The following USP45 variants were observed in gnomAD, a reference collection of about 807,000 sequenced individuals.
The protein encoded by USP45 is ubiquitin specific peptidase 45, also known as ubiquitin carboxyl-terminal hydrolase 45.
Under a neutral mutation model 95.8 loss-of-function variants are expected in USP45, and 89 were observed. The observed-to-expected ratio is 0.93, with a 90% confidence interval of 0.78 to 1.11. The LOEUF (loss-of-function observed/expected upper bound fraction) is 1.11, where lower values mean the gene tolerates loss of function less well. USP45 is among the 50% of genes least tolerant of loss of function. The pLI, the probability that USP45 is intolerant of heterozygous loss-of-function variation, is 0.00. For synonymous variants in USP45, 281 were observed against 316.2 expected, an observed-to-expected ratio of 0.89 and a Z score of 1.18; for missense variants, 898 against 942.5, an observed-to-expected ratio of 0.95 and a Z score of 0.62.
chr6:99,483,807 C>T lies in USP45; in HGVS notation c.715-924G>A, dbSNP rs536413751. Among the ~76,000 whole-genome samples the T allele has an allele frequency of 6.0e-5, 7 of 117,314 alleles. No homozygotes were observed. The East Asian group carries it at 7.2e-4, about 12-fold the overall frequency. 77.0% of individuals were successfully genotyped at this position (117,314 alleles called of 152,430 possible). On this transcript the variant is annotated intron_variant, in intron 7 of 17. Coordinates refer to ENST00000500704, the MANE Select transcript of USP45 (RefSeq NM_001346022.3). ...GAGCCGAGATTGCGCCACTGCAGTCCGCAGTCCGGCCTGGGCGACAGAGCG... is the reference window on the plus strand; with the variant it reads ...GAGCCGAGATTGCGCCACTGCAGTCTGCAGTCCGGCCTGGGCGACAGAGCG...
Position 99,443,208 on chromosome 6 carries a change from C to T in USP45, c.2073+357G>A, listed in dbSNP as rs531943055. Among the ~76,000 whole-genome samples the T allele has an allele frequency of 5.9e-5, 9 of 152,200 alleles. No individual in the cohort carries two copies. The South Asian group carries it at 1.9e-3, about 32-fold the overall frequency. On this transcript the variant is annotated intron_variant, in intron 15 of 17. Coordinates refer to ENST00000500704, the MANE Select transcript of USP45 (RefSeq NM_001346022.3). ...CTCCAGCCTGGGTGACAGAGCAAGA[C>T]TCTTATTTCCATCTGGTCTCGAACT... is the stretch of plus-strand genomic sequence containing the variant.
intron 4 of USP45, among the ~76,000 whole-genome samples, chr6:99,505,186 G>T (rs1173683386): frequency 6.6e-6 from 1 of 152,152 alleles, no homozygotes; most frequent in Admixed American, 6.5e-5. Flanking sequence ...GAGGCAGAGG[G>T]TTAGGAAAGA....
chr6:99,476,257 G>GA (rs1562376151), intron 8 of USP45, 27 bp from the exon 9 acceptor site: 7 of 1,586,896 alleles, frequency 4.4e-6, no homozygotes, highest in Non-Finnish European at 5.2e-6. Context: ...AAAGAGGAAA[G>GA]AAAAAAAGAA....
At chr6:99,478,553 C>A (rs1477951445) in intron 8 of USP45, among the ~76,000 whole-genome samples, 1 of 152,122 alleles carries the variant, frequency 6.6e-6, no homozygotes, top group Non-Finnish European at 1.5e-5. Flanking sequence ...ATTTAATCCA[C>A]TTCTATGTTC....
At chr6:99,442,890 G>GTTTT (rs1562300618) in intron 15 of USP45, among the ~76,000 whole-genome samples, 7 of 151,440 alleles carry the variant, frequency 4.6e-5, no homozygotes, top group Non-Finnish European at 8.8e-5. Flanking sequence ...TTGTTTTCTT[G>GTTTT]ATAATTTGTT....
chr6:99,444,497 A>T (rs888920470), intron 14 of USP45, among the ~76,000 whole-genome samples: 1 of 152,154 alleles, frequency 6.6e-6, no homozygotes, highest in Non-Finnish European at 1.5e-5. Flanking sequence ...ATTCCTAGAG[A>T]TAGTAAACAA....
At chr6:99,472,414 C>A (rs1789654519) in intron 9 of USP45, among the ~76,000 whole-genome samples, 1 of 152,010 alleles carries the variant, frequency 6.6e-6, no homozygotes, top group South Asian at 2.1e-4. Context: ...CGGGGTTTCA[C>A]CATGTTGGCC....
intron 7 of USP45, among the ~76,000 whole-genome samples, 198 bp downstream of exon 7, chr6:99,488,002 C>A (rs1794364199): frequency 6.6e-6 from 1 of 152,128 alleles, no homozygotes; most frequent in Non-Finnish European, 1.5e-5. Context: ...TGATCCATGG[C>A]ATATTGGAAC....
intron 13 of USP45, among the ~76,000 whole-genome samples, chr6:99,457,984 G>A (rs1169868688): frequency 2.6e-5 from 4 of 152,076 alleles, no homozygotes; most frequent in African/African-American, 7.2e-5. Context: ...AGAGCAGTGC[G>A]TAGCCCACAG....
chr6:99,493,790 C>A (rs764277687), intron 5 of USP45, among the ~76,000 whole-genome samples: 1 of 152,308 alleles, frequency 6.6e-6, no homozygotes, highest in South Asian at 2.1e-4. Flanking sequence ...CGAGCCACTG[C>A]GCCTGGCCTG....
Position 99,488,639 on chromosome 6 carries a change from G to C in USP45, c.618+42C>G, listed in dbSNP as rs776540201. Reference sequence around the variant, plus strand: ...GTGAGCCAATGACTACATAAATTAAGAGAATCTTTTACATATTACAAAGCT... The same window carrying C: ...GTGAGCCAATGACTACATAAATTAACAGAATCTTTTACATATTACAAAGCT... On this transcript the variant is annotated intron_variant, in intron 6 of 17. Transcript: ENST00000500704. The C allele has an allele frequency of 1.3e-5, 21 of 1,566,816 alleles. No homozygotes were observed. In the East Asian group the frequency reaches 4.9e-4, roughly 36 times the overall value.
chr6:99,487,579 G>A (rs899518884), intron 7 of USP45, among the ~76,000 whole-genome samples: 34 of 147,508 alleles, frequency 2.3e-4, no homozygotes, highest in African/African-American at 8.1e-4. Flanking sequence ...CACGAGGTCA[G>A]GAGATCAAGA....
At chr6:99,469,495 T>A (rs372675858) in intron 9 of USP45, among the ~76,000 whole-genome samples, 20,189 of 145,734 alleles carry the variant, frequency 0.14, 2,046 homozygotes, top group Non-Finnish European at 0.2. Context: ...TATTTTTTTT[T>A]TTTTTGAGAG....
intron 5 of USP45, among the ~76,000 whole-genome samples, chr6:99,499,280 C>T (rs1386059243): frequency 6.6e-6 from 1 of 152,126 alleles, no homozygotes; most frequent in African/African-American, 2.4e-5. Flanking sequence ...TATCCTCTCA[C>T]CCAAACACAA....
chr6:99,474,360 G>C (rs1375813739), intron 9 of USP45, among the ~76,000 whole-genome samples: 4 of 152,094 alleles, frequency 2.6e-5, no homozygotes, highest in Non-Finnish European at 5.9e-5. Flanking sequence ...ACCACGCCTG[G>C]CTAATTTTTG....
intron 15 of USP45, 147 bp from the exon 16 acceptor site, chr6:99,440,002 A>G (rs1477481981): frequency 1.1e-5 from 5 of 467,494 alleles, no homozygotes; most frequent in Non-Finnish European, 1.5e-5. Context: ...TAATATGAAT[A>G]AATTAAAAAT....
intron 13 of USP45, among the ~76,000 whole-genome samples, chr6:99,455,169 C>T (rs1193145910): frequency 6.6e-6 from 1 of 151,772 alleles, no homozygotes; most frequent in African/African-American, 2.4e-5. Context: ...GGGCTGGGTG[C>T]GATGGCTCAC....
intron 13 of USP45, among the ~76,000 whole-genome samples, chr6:99,452,918 A>C (rs949689126): frequency 3.3e-5 from 5 of 152,184 alleles, no homozygotes; most frequent in African/African-American, 1.2e-4. Context: ...TCAGCAAACT[A>C]TCACAAGAAC....
Position 99,446,075 on chromosome 6 carries a change from C to T in USP45, c.1697G>A (p.Ser566Asn). Residue 566 changes from serine (S) to asparagine (N), a missense_variant, in exon 14 of 18, where the codon AGC becomes AAC. Ser to Asn is a conservative substitution (Grantham distance 46). Coordinates refer to ENST00000500704, the MANE Select transcript of USP45 (RefSeq NM_001346022.3). ...AEAISELRLS[S>N]TVTGDQDFDR... ...AAAATCTTGATCTCCAGTTACAGTG[C>T]TGCTCAAACGAAGTTCAGAAATAGC... is the stretch of plus-strand genomic sequence containing the variant. 2 of 1,613,996 alleles carry T rather than the reference C, an allele frequency of 1.2e-6. No individual in the cohort carries two copies. Among genetic ancestry groups the T allele is most frequent in the Non-Finnish European group, 1.7e-6 (2 of 1,180,044 alleles).
Sources: gnomAD v4.1 joint callset for allele counts (sites outside exome capture counted in the v4.1 genomes callset) on GRCh38, gnomAD v4.1.1 for gene constraint, MANE v1.5 for transcripts, NCBI Gene and HGNC (gene_info 2026-07-23, HGNC 2026-07-21) for gene names.